Variants in NMBR observed in about 807,000 individuals in gnomAD.
The protein encoded by NMBR is neuromedin-B receptor.
Under a neutral mutation model 20.5 loss-of-function variants are expected in NMBR, and 16 were observed. That is an observed-to-expected ratio of 0.78 (90% CI 0.53 to 1.19). The LOEUF (loss-of-function observed/expected upper bound fraction) is 1.19, where lower values mean the gene tolerates loss of function less well. Ranked by LOEUF, NMBR falls within the 50% of genes most tolerant of loss-of-function variation. The pLI, the probability that NMBR is intolerant of heterozygous loss-of-function variation, is 0.00. For missense variants in NMBR, 582 were observed against 499.1 expected (o/e 1.17, Z -1.58); for synonymous variants, 212 against 196.6 (o/e 1.08, Z -0.65).
intron 1 of NMBR, among the ~76,000 whole-genome samples, chr6:142,105,445 A>C (rs1777644973): frequency 6.6e-6 from 1 of 152,180 alleles, no homozygotes; most frequent in Non-Finnish European, 1.5e-5. Flanking sequence ...CCTGTAAATA[A>C]ATTTATAAAA....
At chr6:142,077,882 A>T (rs1361404034) in intron 3 of NMBR, among the ~76,000 whole-genome samples, 1 of 152,246 alleles carries the variant, frequency 6.6e-6, no homozygotes, top group Non-Finnish European at 1.5e-5. Flanking sequence ...TTAACACAGT[A>T]GATTTTTACC....
chr6:142,139,308 G>A (rs1778323574), intron 1 of NMBR, among the ~76,000 whole-genome samples: 1 of 152,100 alleles, frequency 6.6e-6, no homozygotes, highest in African/African-American at 2.4e-5. Context: ...TTTAGGGTAG[G>A]GCATTGTCAA....
intron 1 of NMBR, among the ~76,000 whole-genome samples, chr6:142,090,381 C>A (rs900362187): frequency 5.3e-5 from 8 of 150,814 alleles, no homozygotes; most frequent in African/African-American, 2.0e-4. Context: ...CAGATATTGC[C>A]CACCAAGAGC....
chr6:142,088,800 C>G lies in NMBR; in HGVS notation c.-142G>C. 1.4e-6 allele frequency: 1 copy of G among 724,104 alleles called. No homozygotes were observed. Among genetic ancestry groups the G allele is most frequent in the Non-Finnish European group, 2.2e-6 (1 of 447,938 alleles). 44.9% of individuals were successfully genotyped at this position (724,104 alleles called of 1,614,324 possible). A position where few individuals can be genotyped will look rare whatever the true frequency, so the allele number is the denominator to read the frequency against. ...GTCCGCGGGGCAAGCCTCACAGCAC[C>G]ACGTCCCTAAGAGTTCAGGACCTGG... On this transcript the variant is annotated 5_prime_UTR_variant, in exon 2 of 4. Transcript: ENST00000258042.
chr6:142,132,856 G>A (rs1258404754), intron 1 of NMBR, among the ~76,000 whole-genome samples: 1 of 148,624 alleles, frequency 6.7e-6, no homozygotes, highest in Non-Finnish European at 1.5e-5. Context: ...TGCTTTGCTG[G>A]CACTCCTGGC....
intron 1 of NMBR, among the ~76,000 whole-genome samples, chr6:142,117,939 T>C (rs1388858468): frequency 6.6e-6 from 1 of 151,844 alleles, no homozygotes; most frequent in East Asian, 1.9e-4. Context: ...TTGATGAAAA[T>C]TGGGATGACA....
At chr6:142,099,140 C>T (rs141486055) in intron 1 of NMBR, among the ~76,000 whole-genome samples, 237 of 152,248 alleles carry the variant, frequency 1.6e-3, no homozygotes, top group African/African-American at 5.6e-3. Flanking sequence ...AGAGTTTACA[C>T]CCTCCACAAA....
intron 3 of NMBR, 45 bp downstream of exon 3, chr6:142,078,510 A>G: frequency 9.5e-7 from 1 of 1,052,710 alleles, no homozygotes; most frequent in Non-Finnish European, 1.4e-6. Flanking sequence ...AATAGCAGTT[A>G]CTTGTTCTGA....
At chr6:142,127,158 G>A (rs1778055184) in intron 1 of NMBR, among the ~76,000 whole-genome samples, 1 of 151,728 alleles carries the variant, frequency 6.6e-6, no homozygotes, top group South Asian at 2.1e-4. Context: ...ATTTGGAGTT[G>A]ATTTTTTTAT....
intron 1 of NMBR, among the ~76,000 whole-genome samples, chr6:142,106,912 C>T (rs1777674413): frequency 6.6e-6 from 1 of 152,124 alleles, no homozygotes; most frequent in Non-Finnish European, 1.5e-5. Context: ...CTAAAGTATA[C>T]CAACACACAT....
At chr6:142,139,835 A>G (rs1778335058) in intron 1 of NMBR, among the ~76,000 whole-genome samples, 1 of 152,200 alleles carries the variant, frequency 6.6e-6, no homozygotes, top group Non-Finnish European at 1.5e-5. Flanking sequence ...TCATATTCCA[A>G]TATAAAAACT....
chr6:142,097,852 A>G (rs1020921744), intron 1 of NMBR, among the ~76,000 whole-genome samples: 2 of 152,140 alleles, frequency 1.3e-5, no homozygotes, highest in African/African-American at 4.8e-5. Context: ...GAGAGACATG[A>G]AAAACATAAA....
intron 3 of NMBR, 126 bp downstream of exon 3, chr6:142,078,429 G>C (rs1181145719): frequency 3.3e-6 from 2 of 609,380 alleles, no homozygotes; most frequent in African/African-American, 3.7e-5. Context: ...ATCCCTTCTA[G>C]TTAAGGCCTG....
At position 142,101,542 on chromosome 6, in the gene NMBR, T is replaced by C. The variant is rs184908229; in HGVS notation, c.-663-12221A>G. On this transcript the variant is annotated intron_variant, in intron 1 of 3. Coordinates refer to ENST00000258042, the MANE Select transcript of NMBR (RefSeq NM_002511.4). ...GGGGTTAGGTTACAGGGTAGCTCTTTATGGTGGAATCTCCTGTTTACAGGA... is the reference window on the plus strand; with the variant it reads ...GGGGTTAGGTTACAGGGTAGCTCTTCATGGTGGAATCTCCTGTTTACAGGA... 1.8e-3 allele frequency among the ~76,000 whole-genome samples: 273 copies of C among 152,244 alleles called. 2 individuals carry two copies. Among genetic ancestry groups the C allele is most frequent in the African/African-American group, 6.3e-3 (263 of 41,528 alleles).
intron 2 of NMBR, among the ~76,000 whole-genome samples, chr6:142,087,415 C>A (rs1470863424): frequency 1.7e-4 from 26 of 152,156 alleles, no homozygotes; most frequent in Non-Finnish European, 3.8e-4. Context: ...TCCAAACATT[C>A]CCTTCTGCTT....
chr6:142,102,918 A>G (rs992892776), intron 1 of NMBR, among the ~76,000 whole-genome samples: 1 of 152,346 alleles, frequency 6.6e-6, no homozygotes, highest in South Asian at 2.1e-4. Flanking sequence ...GAAAGATAAG[A>G]GTCTCATGAT....
chr6:142,128,475 T>C (rs1778079365), intron 1 of NMBR, among the ~76,000 whole-genome samples: 1 of 152,094 alleles, frequency 6.6e-6, no homozygotes, highest in Non-Finnish European at 1.5e-5. Context: ...GCAGTTTTTT[T>C]TCCATTGATT....
At chr6:142,089,744 AT>A (rs1235411559) in intron 1 of NMBR, among the ~76,000 whole-genome samples, 1 of 152,176 alleles carries the variant, frequency 6.6e-6, no homozygotes, top group Non-Finnish European at 1.5e-5. Flanking sequence ...ATACTACATC[AT>A]TTTATAAATA....
At chr6:142,109,035 G>A (rs899155230) in intron 1 of NMBR, among the ~76,000 whole-genome samples, 16 of 152,220 alleles carry the variant, frequency 1.1e-4, no homozygotes, top group Admixed American at 3.9e-4. Context: ...ATCTAATCAT[G>A]CCCACCTCAG....
Sources: gnomAD v4.1 joint callset for allele counts (sites outside exome capture counted in the v4.1 genomes callset) on GRCh38, gnomAD v4.1.1 for gene constraint, MANE v1.5 for transcripts, NCBI Gene and HGNC (gene_info 2026-07-23, HGNC 2026-07-21) for gene names.